ABCB11: variants seen among roughly 807,000 people sequenced by gnomAD.
ABCB11 encodes the protein ATP binding cassette subfamily B member 11, also known as bile salt export pump.
A neutral mutation model predicts 148.0 loss-of-function variants in ABCB11; 95 were observed. The observed-to-expected ratio is 0.64, with a 90% CI of 0.54 to 0.76. The LOEUF (loss-of-function observed/expected upper bound fraction) is 0.76, where lower values mean the gene tolerates loss of function less well. Ranked by LOEUF, ABCB11 falls within the 30% of genes least tolerant of loss-of-function variation. The probability of loss-of-function intolerance (pLI) is 0.00; values close to 1 mark genes in which losing one functional copy is unlikely to be tolerated. For synonymous variants in ABCB11, 591 were observed against 555.4 expected, an observed-to-expected ratio of 1.06 and a Z score of -0.90; for missense variants, 1,523 against 1,617.8, an observed-to-expected ratio of 0.94 and a Z score of 1.01.
chr2:168,928,127 T>G (rs1451555512), intron 25 of ABCB11, among the ~76,000 whole-genome samples: 2 of 152,188 alleles, frequency 1.3e-5, no homozygotes, highest in African/African-American at 4.8e-5. Flanking sequence ...TATGAACAGA[T>G]TATATTTAAG....
intron 8 of ABCB11, among the ~76,000 whole-genome samples, chr2:168,993,391 A>G (rs1694605185): frequency 6.6e-6 from 1 of 152,066 alleles, no homozygotes; most frequent in Non-Finnish European, 1.5e-5. Context: ...TATATTTAAA[A>G]TGATGTTAGT....
At chr2:168,940,558 A>C (rs913808363) in intron 21 of ABCB11, among the ~76,000 whole-genome samples, 2 of 152,116 alleles carry the variant, frequency 1.3e-5, no homozygotes, top group South Asian at 2.1e-4. Flanking sequence ...GCATCTCCAC[A>C]ATGTAAAAGT....
rs1691992312 is a variant in ABCB11, at chr2:168,939,968, G to A, written c.2611-3535C>T. 1.3e-5 allele frequency among the ~76,000 whole-genome samples: 2 copies of A among 152,014 alleles called. 1 individual carries two copies. The highest frequency in any genetic ancestry group is 4.1e-4 in the South Asian group (2 of 4,824). ...AGCACCACGAACCACGCCAATATAA[G>A]ACTGAAAACTTATTCAATAAATGTG... On this transcript the variant is annotated intron_variant, in intron 21 of 27. Coordinates refer to ENST00000650372, the MANE Select transcript of ABCB11 (RefSeq NM_003742.4).
chr2:169,011,598 C>T (rs1695189515), intron 5 of ABCB11, among the ~76,000 whole-genome samples: 1 of 152,190 alleles, frequency 6.6e-6, no homozygotes, highest in Non-Finnish European at 1.5e-5. Context: ...ACCTCCAAGT[C>T]TGTCACTGCA....
At position 168,993,713 on chromosome 2, in the gene ABCB11, G is replaced by T; in HGVS notation, c.781C>A (p.Leu261Met). ...LIGIGAATIGLSVSKFTDYEL... is the reference protein window; with the variant it reads ...LIGIGAATIGMSVSKFTDYEL... ...GAGATGCAAAAAGACATTCTTACCA[G>T]ACCAATGGTGGCTGCTCCAATCCCA... Residue 261 changes from leucine to methionine, a missense_variant and splice_region_variant, in exon 8 of 28, where the codon CTG becomes ATG. Physicochemically the swap from Leu to Met is conservative, Grantham distance 15 (BLOSUM62 2). Coordinates refer to ENST00000650372, the MANE Select transcript of ABCB11 (RefSeq NM_003742.4). 6.2e-7 allele frequency: 1 copy of T among 1,607,608 alleles called. No individual in the cohort carries two copies. Among genetic ancestry groups the T allele is most frequent in the South Asian group, 1.1e-5 (1 of 89,790 alleles).
chr2:169,018,973 C>A (rs531723757), intron 1 of ABCB11, among the ~76,000 whole-genome samples: 7 of 152,140 alleles, frequency 4.6e-5, no homozygotes, highest in South Asian at 2.1e-4. Context: ...TGGATGCTGA[C>A]GAGTGTGAGA....
chr2:168,969,255 G>C, intron 16 of ABCB11, 95 bp downstream of exon 16: 1 of 1,182,308 alleles, frequency 8.5e-7, no homozygotes, highest in African/African-American at 1.5e-5. Flanking sequence ...GAGTTGTTGG[G>C]AGAACAGTGA....
chr2:168,950,422 T>C (rs1009553957), intron 19 of ABCB11, among the ~76,000 whole-genome samples: 2 of 151,744 alleles, frequency 1.3e-5, no homozygotes, highest in African/African-American at 4.8e-5. Flanking sequence ...GCATTCTTTT[T>C]TCTCCACATC....
intron 1 of ABCB11, among the ~76,000 whole-genome samples, chr2:169,018,710 CA>C (rs748354657): frequency 2.0e-5 from 3 of 152,062 alleles, no homozygotes; most frequent in Non-Finnish European, 4.4e-5. Context: ...GTCTTATTCA[CA>C]GTGGAAAAAT....
At chr2:168,942,588 C>G (rs189614608) in intron 21 of ABCB11, among the ~76,000 whole-genome samples, 45 of 151,526 alleles carry the variant, frequency 3.0e-4, no homozygotes, top group African/African-American at 9.4e-4. Context: ...TTTAATTGTA[C>G]ACTTAAAAAT....
intron 21 of ABCB11, among the ~76,000 whole-genome samples, chr2:168,943,763 A>ACGTG (rs2307959): frequency 0.49 from 74,845 of 151,414 alleles, 19,516 homozygotes; most frequent in South Asian, 0.66. Context: ...AGGAGTTGAG[A>ACGTG]CTACAGTACA....
downstream of ABCB11, among the ~76,000 whole-genome samples, chr2:168,919,221 A>G (rs1191190174): frequency 1.3e-5 from 2 of 152,166 alleles, no homozygotes; most frequent in Non-Finnish European, 2.9e-5. Flanking sequence ...GTGACTTTGT[A>G]AATAACATTC....
intron 5 of ABCB11, among the ~76,000 whole-genome samples, chr2:169,000,741 T>C (rs930731092): frequency 2.0e-5 from 3 of 152,166 alleles, no homozygotes; most frequent in African/African-American, 7.2e-5. Flanking sequence ...TTTTCAAAAT[T>C]ATTTTAGCTA....
chr2:168,932,023 A>C (rs1691587409), intron 24 of ABCB11, among the ~76,000 whole-genome samples: 1 of 152,092 alleles, frequency 6.6e-6, no homozygotes, highest in African/African-American at 2.4e-5. Context: ...TTATTTTATT[A>C]GACTTTAAGT....
intron 21 of ABCB11, among the ~76,000 whole-genome samples, chr2:168,943,626 T>C (rs981235724): frequency 1.2e-4 from 18 of 152,066 alleles, no homozygotes; most frequent in Non-Finnish European, 4.4e-5. Context: ...GAAACACATG[T>C]GCTTCCAGAA....
chr2:168,981,737 A>G (rs1447962856), intron 10 of ABCB11, among the ~76,000 whole-genome samples: 1 of 152,144 alleles, frequency 6.6e-6, no homozygotes, highest in Admixed American at 6.6e-5. Flanking sequence ...CATTTTCTGA[A>G]AAAGGGCCAA....
downstream of ABCB11, among the ~76,000 whole-genome samples, chr2:168,919,899 G>T (rs1397831383): frequency 6.6e-6 from 1 of 151,836 alleles, no homozygotes; most frequent in Non-Finnish European, 1.5e-5. Context: ...TTGAGACAAG[G>T]TCTTGCTCTG....
chr2:168,924,532 A>G lies in ABCB11; in HGVS notation c.3765+125T>C, dbSNP rs80332315. The stretch of plus-strand genomic sequence containing the variant: ...TAGATAATTGTCTTTTGGTTCCACA[A>G]AGTATTGCCAATTTCTACTGTTAAC... On this transcript the variant is annotated intron_variant, in intron 27 of 27. Transcript: ENST00000650372. 2,424 of 878,688 alleles carry G rather than the reference A, an allele frequency of 2.8e-3. 52 individuals are homozygous for G. The African/African-American group carries it at 0.036, about 13-fold the overall frequency. The allele number at this position is 878,688 out of a possible 1,614,324, so 54.4% of individuals were successfully genotyped here.
chr2:168,923,761 C>T lies in ABCB11; in HGVS notation c.3827G>A (p.Arg1276His), dbSNP rs777458071. 1.2e-5 allele frequency: 20 copies of T among 1,613,824 alleles called. No individual in the cohort carries two copies. The highest frequency in any genetic ancestry group is 1.6e-5 in the Non-Finnish European group (19 of 1,179,872). The change falls in exon 28 of 28, where the codon CGC becomes CAC. Residue 1276 changes from arginine to histidine, a missense_variant. Transcript: ENST00000650372. ...EGRTCIVIAHRLSTIQNADII... is the reference protein window; with the variant it reads ...EGRTCIVIAHHLSTIQNADII... ...ATCCGCGTTCTGGATGGTGGACAAGCGATGGGCAATGACAATGCAGGTCCG... is the reference window on the plus strand; with the variant it reads ...ATCCGCGTTCTGGATGGTGGACAAGTGATGGGCAATGACAATGCAGGTCCG...
Sources: gnomAD v4.1 joint callset for allele counts (sites outside exome capture counted in the v4.1 genomes callset) on GRCh38, gnomAD v4.1.1 for gene constraint, MANE v1.5 for transcripts, NCBI Gene and HGNC (gene_info 2026-07-23, HGNC 2026-07-21) for gene names.